The following RSF1 variants were observed in gnomAD, a reference collection of about 807,000 sequenced individuals.
RSF1 encodes the protein HBV pX-associated protein 8.
Under a neutral mutation model 145.2 loss-of-function variants are expected in RSF1, and 13 were observed. The observed-to-expected ratio is 0.09, with a 90% CI of 0.06 to 0.14. RSF1 has a LOEUF of 0.14. Ranked by LOEUF, RSF1 falls within the 10% of genes least tolerant of loss-of-function variation. The probability of loss-of-function intolerance (pLI) is 1.00; values close to 1 mark genes in which losing one functional copy is unlikely to be tolerated. For synonymous variants in RSF1, 577 were observed against 592.6 expected (o/e 0.97, Z 0.38); for missense variants, 1,517 against 1,718.2 (o/e 0.88, Z 2.07).
At chr11:77,808,409 C>T (rs1948699001) in intron 1 of RSF1, among the ~76,000 whole-genome samples, 1 of 151,918 alleles carries the variant, frequency 6.6e-6, no homozygotes, top group Admixed American at 6.6e-5. Flanking sequence ...AGGATTTTCC[C>T]AAGCAATGAT....
At chr11:77,820,417 A>T (rs1431096990) in intron 1 of RSF1, 111 bp downstream of exon 1, 6 of 1,154,286 alleles carry the variant, frequency 5.2e-6, no homozygotes, top group African/African-American at 4.7e-5. Context: ...TCCCAGGGGG[A>T]AGACAGAGCC....
chr11:77,814,458 A>G (rs562521894), intron 1 of RSF1, among the ~76,000 whole-genome samples: 2 of 151,956 alleles, frequency 1.3e-5, no homozygotes, highest in African/African-American at 2.4e-5. Flanking sequence ...CTGGGGGGGA[A>G]AAAAAAGGAC....
chr11:77,681,195 T>C (rs1959850549), intron 11 of RSF1, among the ~76,000 whole-genome samples: 2 of 152,192 alleles, frequency 1.3e-5, no homozygotes, highest in Non-Finnish European at 2.9e-5. Context: ...GGTTGTCTCA[T>C]CTGTCATGGT....
chr11:77,821,557 G>A (rs1432893496), upstream of RSF1, among the ~76,000 whole-genome samples: 2 of 152,134 alleles, frequency 1.3e-5, no homozygotes, highest in African/African-American at 4.8e-5. Flanking sequence ...GCTGGGAGAA[G>A]AGGATCTGAG....
chr11:77,705,812 C>G (rs1960534299), intron 5 of RSF1, among the ~76,000 whole-genome samples: 1 of 151,480 alleles, frequency 6.6e-6, no homozygotes, highest in South Asian at 2.1e-4. Flanking sequence ...AGCTATGACT[C>G]ACTACATTCT....
At chr11:77,736,003 C>T (rs182308625) in intron 4 of RSF1, among the ~76,000 whole-genome samples, 332 of 152,338 alleles carry the variant, frequency 2.2e-3, no homozygotes, top group African/African-American at 7.1e-3. Flanking sequence ...TCCCAAAGTG[C>T]TGGGATTACA....
intron 9 of RSF1, among the ~76,000 whole-genome samples, chr11:77,688,364 C>G (rs1323261298): frequency 6.6e-6 from 1 of 152,146 alleles, no homozygotes; most frequent in East Asian, 1.9e-4. Flanking sequence ...ATTTCTGAGA[C>G]AAATCAGCTT....
At chr11:77,732,678 A>G (rs1961237286) in intron 4 of RSF1, among the ~76,000 whole-genome samples, 1 of 152,170 alleles carries the variant, frequency 6.6e-6, no homozygotes, top group South Asian at 2.1e-4. Context: ...TTCCCTGCAC[A>G]AGCTCCTTCT....
In RSF1 at chr11:77,791,927, T is replaced by C. The variant is rs559059559; in HGVS notation, c.188-27238A>G. On this transcript the variant is annotated intron_variant, in intron 1 of 15. Transcript: ENST00000308488. ...GTTCCAACCTCTGCCTGTTACCCAG[T>C]TCCAAAGTCGTTTCCACATTTTCAG... Among the ~76,000 whole-genome samples the C allele has an allele frequency of 5.1e-4, 77 of 152,308 alleles. No individual in the cohort carries two copies. The Middle Eastern group carries it at 0.017, about 34-fold the overall frequency.
the RSF1 span, among the ~76,000 whole-genome samples, chr11:77,838,748 C>T: frequency 2.0e-5 from 3 of 151,584 alleles, no homozygotes; most frequent in Non-Finnish European, 1.5e-5. Flanking sequence ...TCTCGAGTAG[C>T]TGAGACTACA....
At chr11:77,746,367 T>G (rs1307763393) in intron 3 of RSF1, among the ~76,000 whole-genome samples, 4 of 152,186 alleles carry the variant, frequency 2.6e-5, no homozygotes, top group Non-Finnish European at 5.9e-5. Flanking sequence ...CTTATCTAGC[T>G]CCAAAATAGT....
chr11:77,820,889 G>T (rs1309310333), upstream of RSF1: 1 of 660,792 alleles, frequency 1.5e-6, no homozygotes, highest in Non-Finnish European at 2.5e-6. Context: ...GCCCGGAGCA[G>T]TCGAGAACCG....
the RSF1 span, among the ~76,000 whole-genome samples, chr11:77,847,981 C>T: frequency 1.3e-5 from 2 of 152,148 alleles, no homozygotes; most frequent in African/African-American, 4.8e-5. Flanking sequence ...AATTCTCCTT[C>T]CTCTGCTTTA....
intron 4 of RSF1, among the ~76,000 whole-genome samples, chr11:77,731,712 G>C (rs968520059): frequency 3.3e-5 from 5 of 152,276 alleles, no homozygotes; most frequent in African/African-American, 1.2e-4. Context: ...CAGAGCTCAG[G>C]CTGTGGCTTC....
intron 1 of RSF1, among the ~76,000 whole-genome samples, chr11:77,814,209 A>AAGG (rs1948760201): frequency 2.1e-4 from 1 of 4,752 alleles, no homozygotes; most frequent in African/African-American, 7.0e-3. Context: ...AAAAAAAAAA[A>AAGG]AGTTTTGGCC....
At chr11:77,788,519 A>G (rs1948483739) in intron 1 of RSF1, among the ~76,000 whole-genome samples, 1 of 149,104 alleles carries the variant, frequency 6.7e-6, no homozygotes, top group Non-Finnish European at 1.5e-5. Flanking sequence ...AAAAAAGACT[A>G]GCGAACTTAA....
At chr11:77,849,944 A>G in the RSF1 span, among the ~76,000 whole-genome samples, 1 of 152,180 alleles carries the variant, frequency 6.6e-6, no homozygotes, top group Admixed American at 6.5e-5. Context: ...TATAGCACTT[A>G]GCACAGTTCA....
At chr11:77,727,052 C>T (rs1000723502) in intron 4 of RSF1, among the ~76,000 whole-genome samples, 1 of 152,152 alleles carries the variant, frequency 6.6e-6, no homozygotes, top group Admixed American at 6.5e-5. Context: ...CATGTTCATA[C>T]ATATCATATG....
Position 77,664,585 on chromosome 11 carries a change from T to C in RSF1, c.*2332A>G, listed in dbSNP as rs1291624718. On this transcript the variant is annotated 3_prime_UTR_variant, in exon 16 of 16. Transcript: ENST00000308488. The stretch of plus-strand genomic sequence containing the variant: ...ATAGGTGGAAGAAGGAGCTGGTGTG[T>C]CCAGAGGTAGAGACAGGGCACATGG... 6.6e-6 allele frequency: 1 copy of C among 152,196 alleles called. No individual in the cohort carries two copies. Among genetic ancestry groups the C allele is most frequent in the Non-Finnish European group, 1.5e-5 (1 of 68,026 alleles). 9.4% of individuals were successfully genotyped at this position (152,196 alleles called of 1,614,324 possible).
Sources: gnomAD v4.1 joint callset for allele counts (sites outside exome capture counted in the v4.1 genomes callset) on GRCh38, gnomAD v4.1.1 for gene constraint, MANE v1.5 for transcripts, NCBI Gene and HGNC (gene_info 2026-07-23, HGNC 2026-07-21) for gene names.